Variants in PRPF18 observed in about 807,000 individuals in gnomAD.
PRPF18 encodes the protein pre-mRNA-splicing factor 18.
Under a neutral mutation model 46.5 loss-of-function variants are expected in PRPF18, and 38 were observed. That is an observed-to-expected ratio of 0.82 (90% CI 0.63 to 1.07). The LOEUF (loss-of-function observed/expected upper bound fraction) is 1.07. Among genes scored for constraint, PRPF18 ranks in the 50% least tolerant of loss-of-function variants. The probability of loss-of-function intolerance (pLI) is 0.00; values close to 1 mark genes in which losing one functional copy is unlikely to be tolerated. For synonymous variants in PRPF18, 152 were observed against 146.7 expected, an observed-to-expected ratio of 1.04 and a Z score of -0.26; for missense variants, 263 against 410.0, an observed-to-expected ratio of 0.64 and a Z score of 3.10.
intron 9 of PRPF18, among the ~76,000 whole-genome samples, chr10:13,627,206 A>AT (rs920717589): frequency 6.6e-6 from 1 of 151,884 alleles, no homozygotes; most frequent in Non-Finnish European, 1.5e-5. Flanking sequence ...TGCCTGCTTT[A>AT]TTTTCTCCAA....
downstream of PRPF18, among the ~76,000 whole-genome samples, chr10:13,633,613 C>G (rs572764471): frequency 4.6e-5 from 7 of 152,254 alleles, no homozygotes; most frequent in African/African-American, 1.7e-4. Flanking sequence ...ATGCTTCACA[C>G]AGAAGGATGG....
the PRPF18 span, chr10:13,646,821 G>A: frequency 6.2e-6 from 1 of 161,362 alleles, no homozygotes; most frequent in Non-Finnish European, 1.3e-5. Context: ...GAGAAAAAAA[G>A]TGCTGAGGGC....
chr10:13,607,515 C>T (rs998044608), intron 4 of PRPF18, among the ~76,000 whole-genome samples: 3 of 151,668 alleles, frequency 2.0e-5, no homozygotes, highest in African/African-American at 4.8e-5. Context: ...TGGGCTTAAG[C>T]GATCTCCCAC....
In PRPF18 at chr10:13,591,213, GCT is replaced by G. The variant is rs1171659314; in HGVS notation, c.66+4064_66+4065del. Among the ~76,000 whole-genome samples, 3 of 152,328 alleles carry G rather than the reference GCT, an allele frequency of 2.0e-5. No homozygotes were observed. In the South Asian group the frequency reaches 6.2e-4, roughly 32 times the overall value. ...TGGGAAGACAGTCTTTAGATCTGCA[GCT>G]CTATCATTTCATGCAGAATAGTTGC... On this transcript the variant is annotated intron_variant, in intron 1 of 9. Transcript: ENST00000378572.
chr10:13,649,107 G>T, the PRPF18 span: 1 of 152,108 alleles, frequency 6.6e-6, no homozygotes, highest in Non-Finnish European at 1.5e-5. Flanking sequence ...TCTTAAATGG[G>T]CTAATATTAT....
At chr10:13,655,660 T>C in the PRPF18 span, 2 of 152,180 alleles carry the variant, frequency 1.3e-5, no homozygotes, top group Admixed American at 1.3e-4. Flanking sequence ...TCTCCTACAG[T>C]TCCCCAAAGA....
At chr10:13,602,392 A>C (rs2080124840) in intron 3 of PRPF18, among the ~76,000 whole-genome samples, 1 of 152,122 alleles carries the variant, frequency 6.6e-6, no homozygotes, top group African/African-American at 2.4e-5. Context: ...ACCTGTGTTC[A>C]TAAGTGTGTA....
At chr10:13,591,441 G>T in intron 1 of PRPF18, 1 of 538,028 alleles carries the variant, frequency 1.9e-6, no homozygotes, top group Non-Finnish European at 3.3e-6. Flanking sequence ...ATTTAATTAG[G>T]TTCTTCTTAA....
intron 6 of PRPF18, among the ~76,000 whole-genome samples, chr10:13,611,903 G>A (rs946285762): frequency 2.0e-5 from 3 of 147,812 alleles, no homozygotes; most frequent in African/African-American, 7.5e-5. Flanking sequence ...TTTGGAAACA[G>A]AGTCTTGCTC....
the PRPF18 span, chr10:13,651,923 G>A: frequency 6.3e-7 from 1 of 1,585,320 alleles, no homozygotes; most frequent in Non-Finnish European, 8.7e-7. Context: ...CAGTACTTTG[G>A]TGAGGTGGAG....
At chr10:13,654,478 C>G in the PRPF18 span, 18 of 1,613,666 alleles carry the variant, frequency 1.1e-5, no homozygotes, top group Non-Finnish European at 1.3e-5. Flanking sequence ...TTTCACTTGA[C>G]GGTGTCGAGC....
chr10:13,589,913 A>T lies in PRPF18; in HGVS notation c.66+2761A>T, dbSNP rs2502220. Among the ~76,000 whole-genome samples, 805 of 152,136 alleles carry T rather than the reference A, an allele frequency of 5.3e-3. 4 individuals are homozygous for T. The highest frequency in any genetic ancestry group is 0.019 in the African/African-American group (775 of 41,502). The stretch of plus-strand genomic sequence containing the variant: ...AAATGTTTTTATGTCTACTGCAGGG[A>T]CCTTTTGATGAGTGGTTGGGAGTAT... On this transcript the variant is annotated intron_variant, in intron 1 of 9. Coordinates refer to ENST00000378572, the MANE Select transcript of PRPF18 (RefSeq NM_003675.4).
At chr10:13,620,637 G>A (rs191821473) in intron 9 of PRPF18, among the ~76,000 whole-genome samples, 16 of 152,262 alleles carry the variant, frequency 1.1e-4, no homozygotes, top group African/African-American at 3.4e-4. Flanking sequence ...ACCATTATTG[G>A]TTAGTTTTGC....
chr10:13,645,128 A>G, the PRPF18 span: 1 of 151,818 alleles, frequency 6.6e-6, no homozygotes, highest in Admixed American at 6.6e-5. Flanking sequence ...CAGCAGAAGG[A>G]ATACCTTGGT....
At chr10:13,629,855 T>C (rs1304526811) in intron 9 of PRPF18, among the ~76,000 whole-genome samples, 1 of 152,240 alleles carries the variant, frequency 6.6e-6, no homozygotes, top group Middle Eastern at 3.2e-3. Flanking sequence ...TCTCGTTACA[T>C]ACAATGGATG....
downstream of PRPF18, among the ~76,000 whole-genome samples, chr10:13,633,602 A>G (rs1423861246): frequency 6.6e-6 from 1 of 152,104 alleles, no homozygotes; most frequent in East Asian, 1.9e-4. Flanking sequence ...CCATGAGGTT[A>G]ATGCTTCACA....
rs117884960 is a variant in PRPF18, at chr10:13,596,036, G to A, written c.67-1422G>A. Among the ~76,000 whole-genome samples the A allele has an allele frequency of 4.3e-4, 65 of 152,228 alleles. No individual in the cohort carries two copies. In the East Asian group the frequency reaches 0.01, roughly 23 times the overall value. ...ATATTTTCCAACTGAATTAAAATAT[G>A]TACATACATTTGCTTTTACAGTTGG... is the stretch of plus-strand genomic sequence containing the variant. On this transcript the variant is annotated intron_variant, in intron 1 of 9. Transcript: ENST00000378572.
At chr10:13,599,404 T>A (rs559710339) in intron 2 of PRPF18, among the ~76,000 whole-genome samples, 136 of 152,348 alleles carry the variant, frequency 8.9e-4, no homozygotes, top group African/African-American at 3.1e-3. Context: ...TCTTCTTTTA[T>A]GTTCTTTTGA....
chr10:13,609,224 G>C (rs1210893827), intron 4 of PRPF18, among the ~76,000 whole-genome samples: 2 of 152,174 alleles, frequency 1.3e-5, no homozygotes, highest in East Asian at 1.9e-4. Context: ...CGAGGTTCTG[G>C]AACAGCTGCA....
Sources: allele counts gnomAD v4.1 joint callset (sites outside exome capture counted in the v4.1 genomes callset), GRCh38; gene constraint gnomAD v4.1.1; transcripts MANE v1.5; gene names NCBI Gene and HGNC (gene_info 2026-07-23, HGNC 2026-07-21).